Variants in UPP2 observed in about 807,000 individuals in gnomAD.
UPP2 encodes uridine phosphorylase 2.
In UPP2, 23 loss-of-function variants were observed where a neutral mutation model predicts 26.7. The observed-to-expected ratio is 0.86, with a 90% CI of 0.62 to 1.22. The LOEUF (loss-of-function observed/expected upper bound fraction) is 1.22, where lower values mean the gene tolerates loss of function less well. Among genes scored for constraint, UPP2 ranks in the 50% most tolerant of loss-of-function variants. The pLI is 0.00. For synonymous variants in UPP2, 127 were observed against 141.3 expected (o/e 0.90, Z 0.72); for missense variants, 387 against 396.7 (o/e 0.98, Z 0.21).
chr2:158,102,900 A>T lies in UPP2; in HGVS notation c.62+775A>T, dbSNP rs372649597. On this transcript the variant is annotated intron_variant, in intron 1 of 6. Coordinates refer to ENST00000005756, the MANE Select transcript of UPP2 (RefSeq NM_173355.4). ...AGAAAAGGAAAAATTATGAAGATGA[A>T]GGTAATGGCAAATGGAAAGACTTCT... is the stretch of plus-strand genomic sequence containing the variant. 1.2e-4 allele frequency among the ~76,000 whole-genome samples: 18 copies of T among 152,312 alleles called. 1 individual carries two copies. In the East Asian group the frequency reaches 2.9e-3, roughly 24 times the overall value.
At chr2:158,117,748 T>C (rs925691128) in intron 3 of UPP2, 76 bp from the exon 4 acceptor site, 18 of 1,148,372 alleles carry the variant, frequency 1.6e-5, no homozygotes, top group Non-Finnish European at 2.2e-5. Context: ...TGTTAACTTG[T>C]AATGATGGAA....
At chr2:158,111,952 T>C (rs1288278467) in intron 2 of UPP2, among the ~76,000 whole-genome samples, 1 of 152,088 alleles carries the variant, frequency 6.6e-6, no homozygotes, top group Non-Finnish European at 1.5e-5. Context: ...GAAAGAAATT[T>C]TGAAAGCTCT....
Position 158,102,067 on chromosome 2 carries a change from G to A in UPP2, c.4G>A (p.Ala2Thr). The change falls in exon 1 of 7, where the codon GCT becomes ACT. Residue 2 changes from alanine (A) to threonine (T), a missense_variant. Physicochemically the swap from Ala to Thr is moderately conservative, Grantham distance 58 (BLOSUM62 0). Coordinates refer to ENST00000005756, the MANE Select transcript of UPP2 (RefSeq NM_173355.4). ...GACTTTTCACATAGTAGAGAGAATG[G>A]CTTCAGTTATACCTGCCTCCAATAG... M[A>T]SVIPASNRSM... is the part of the protein sequence containing the mutation. The A allele has an allele frequency of 6.2e-7, 1 of 1,613,344 alleles. No homozygotes were observed. Among genetic ancestry groups the A allele is most frequent in the Non-Finnish European group, 8.5e-7 (1 of 1,179,650 alleles).
chr2:158,033,624 G>A (rs1412102778), intron 3 of UPP2, among the ~76,000 whole-genome samples: 1 of 152,182 alleles, frequency 6.6e-6, no homozygotes, highest in Non-Finnish European at 1.5e-5. Context: ...TCCTTGGCAA[G>A]ATAGCAGCAA....
chr2:158,027,667 T>C (rs1683855006), intron 3 of UPP2, among the ~76,000 whole-genome samples: 1 of 152,206 alleles, frequency 6.6e-6, no homozygotes, highest in Non-Finnish European at 1.5e-5. Context: ...GTAGGGGCTC[T>C]GTGTGGGGGA....
intron 6 of UPP2, among the ~76,000 whole-genome samples, chr2:158,125,477 C>T (rs988061110): frequency 8.0e-5 from 12 of 150,042 alleles, no homozygotes; most frequent in Non-Finnish European, 1.3e-4. Context: ...AGTGTAGTGG[C>T]GCAATCTCGG....
upstream of UPP2, among the ~76,000 whole-genome samples, chr2:158,098,639 C>T (rs1048008987): frequency 6.6e-6 from 1 of 152,186 alleles, no homozygotes; most frequent in Admixed American, 6.5e-5. Flanking sequence ...CCTTGCTCAT[C>T]CCCACCATTC....
At chr2:158,108,978 T>C (rs1683254618) in intron 2 of UPP2, among the ~76,000 whole-genome samples, 2 of 151,170 alleles carry the variant, frequency 1.3e-5, no homozygotes, top group Middle Eastern at 3.2e-3. Context: ...TGTTCAGAAC[T>C]GGCCATTTAA....
At chr2:158,093,998 AC>A (rs1160007550) in intron 3 of UPP2, among the ~76,000 whole-genome samples, 1 of 150,198 alleles carries the variant, frequency 6.7e-6, no homozygotes, top group Non-Finnish European at 1.5e-5. Context: ...TATTATATAT[AC>A]ATATGATTCT....
chr2:158,020,776 C>T (rs1445719123), intron 3 of UPP2, among the ~76,000 whole-genome samples: 9 of 152,204 alleles, frequency 5.9e-5, no homozygotes, highest in Non-Finnish European at 8.8e-5. Flanking sequence ...CCCTGTGGAC[C>T]AGAGGCCAGT....
intron 3 of UPP2, among the ~76,000 whole-genome samples, chr2:158,058,419 C>CTGTGTGTGTG (rs70990632): frequency 0.046 from 6,336 of 136,394 alleles, 494 homozygotes; most frequent in African/African-American, 0.13. Flanking sequence ...TCCCCCCAAC[C>CTGTGTGTGTG]TGTGTGTGTG....
intron 1 of UPP2, among the ~76,000 whole-genome samples, chr2:158,105,004 G>A (rs1330109212): frequency 0.038 from 258 of 6,822 alleles, 6 homozygotes; most frequent in Non-Finnish European, 0.057. Flanking sequence ...AGGGAGGGGA[G>A]GGGAGGGGAG....
chr2:158,128,123 T>G (rs967938628), intron 6 of UPP2: 2 of 625,946 alleles, frequency 3.2e-6, no homozygotes, highest in African/African-American at 4.0e-5. Flanking sequence ...GCCTAATATT[T>G]GTCTACGCTT....
intron 6 of UPP2, 120 bp from the exon 7 acceptor site, chr2:158,134,628 A>G: frequency 8.5e-7 from 1 of 1,170,084 alleles, no homozygotes; most frequent in Non-Finnish European, 1.1e-6. Flanking sequence ...TCTACATTAC[A>G]ACAACAACAA....
intron 4 of UPP2, among the ~76,000 whole-genome samples, chr2:158,118,345 G>C (rs891616617): frequency 6.6e-6 from 1 of 151,740 alleles, no homozygotes; most frequent in Non-Finnish European, 1.5e-5. Flanking sequence ...AAACTGCAAA[G>C]CTCTTAGAAA....
intron 2 of UPP2, among the ~76,000 whole-genome samples, chr2:157,996,393 CT>C (rs1038945357): frequency 6.6e-6 from 1 of 152,052 alleles, no homozygotes; most frequent in African/African-American, 2.4e-5. Flanking sequence ...ACATATTTCC[CT>C]AGAACTTGTT....
intron 3 of UPP2, among the ~76,000 whole-genome samples, chr2:158,050,974 C>T (rs1271385037): frequency 6.6e-6 from 1 of 152,078 alleles, no homozygotes; most frequent in Non-Finnish European, 1.5e-5. Flanking sequence ...ATACACCATT[C>T]TCCATGATGT....
chr2:158,010,733 C>G (rs1683562296), intron 2 of UPP2, among the ~76,000 whole-genome samples: 1 of 151,230 alleles, frequency 6.6e-6, no homozygotes, highest in South Asian at 2.1e-4. Context: ...GAGTTCCCTC[C>G]AATGAGAGCA....
At chr2:158,052,699 G>T (rs1266893529) in intron 3 of UPP2, among the ~76,000 whole-genome samples, 1 of 152,182 alleles carries the variant, frequency 6.6e-6, no homozygotes, top group African/African-American at 2.4e-5. Flanking sequence ...CCCAATAAAT[G>T]GCAGAAGTGG....
Sources: gnomAD v4.1 joint callset for allele counts (sites outside exome capture counted in the v4.1 genomes callset) on GRCh38, gnomAD v4.1.1 for gene constraint, MANE v1.5 for transcripts, NCBI Gene and HGNC (gene_info 2026-07-23, HGNC 2026-07-21) for gene names.